TOP1: variants seen among roughly 807,000 people sequenced by gnomAD.
TOP1 encodes DNA topoisomerase 1.
A neutral mutation model predicts 111.1 loss-of-function variants in TOP1; 10 were observed. The ratio of observed to expected loss-of-function variants is 0.09; its 90% confidence interval spans 0.06 to 0.15. TOP1 has a LOEUF of 0.15. Ranked by LOEUF, TOP1 falls within the 10% of genes least tolerant of loss-of-function variation. TOP1 has a pLI of 1.00. For missense variants in TOP1, 474 were observed against 926.7 expected, an observed-to-expected ratio of 0.51 and a Z score of 6.34; for synonymous variants, 271 against 302.9, an observed-to-expected ratio of 0.89 and a Z score of 1.10.
intron 2 of TOP1, among the ~76,000 whole-genome samples, chr20:41,048,212 T>C (rs1370466224): frequency 2.6e-5 from 4 of 152,136 alleles, no homozygotes; most frequent in Non-Finnish European, 4.4e-5. Flanking sequence ...TGAATTTTTG[T>C]AGGTGGCTCG....
rs144702952 is a variant in TOP1 at position 41,067,310 on chromosome 20, G to A, written c.155+5820G>A. On this transcript the variant is annotated intron_variant, in intron 3 of 20. Transcript: ENST00000361337. The surrounding 1 kb of genome is among the most constrained non-coding windows in gnomAD (Gnocchi z 4.0). ...TAATTTTTGTATTTTTGGTAGAGAC[G>A]AGGTTTCACCATATTGGCCAGGCTG... 3.3e-5 allele frequency among the ~76,000 whole-genome samples: 5 copies of A among 151,964 alleles called. No individual in the cohort carries two copies. Among genetic ancestry groups the A allele is most frequent in the Non-Finnish European group, 5.9e-5 (4 of 67,960 alleles).
At chr20:41,054,710 G>A (rs2033448675) in intron 2 of TOP1, among the ~76,000 whole-genome samples, 1 of 152,218 alleles carries the variant, frequency 6.6e-6, no homozygotes, top group African/African-American at 2.4e-5. Flanking sequence ...TAAACTCCTT[G>A]AGGGCAGAGT....
chr20:41,037,226 A>G (rs1341145727), intron 2 of TOP1, among the ~76,000 whole-genome samples: 2 of 152,202 alleles, frequency 1.3e-5, no homozygotes, highest in East Asian at 1.9e-4. Flanking sequence ...AAAGAAGTCT[A>G]TTGATGTGAC....
chr20:41,116,379 A>G lies in TOP1; in HGVS notation c.1809A>G (p.Lys603=), dbSNP rs1390484093. 1 of 1,614,040 alleles carries G rather than the reference A, an allele frequency of 6.2e-7. No homozygotes were observed. The highest frequency in any genetic ancestry group is 1.1e-5 in the South Asian group (1 of 91,074). Residue 603 remains lysine, a synonymous_variant, in exon 17 of 21, where the codon AAA becomes AAG. Coordinates refer to ENST00000361337, the MANE Select transcript of TOP1 (RefSeq NM_003286.4). The surrounding 1 kb of genome is among the most constrained non-coding windows in gnomAD (Gnocchi z 5.6). Reference sequence around the variant, plus strand: ...CCATCACGCTACAGCAGCAGCTAAAAGAACTGACAGCCCGTAAGTATTGCT... The same window carrying G: ...CCATCACGCTACAGCAGCAGCTAAAGGAACTGACAGCCCGTAAGTATTGCT... ...NASITLQQQL[K]ELTAPDENIP... is the part of the protein sequence containing the mutation.
intron 3 of TOP1, among the ~76,000 whole-genome samples, chr20:41,066,643 C>G (rs2033611728): frequency 6.6e-6 from 1 of 151,382 alleles, no homozygotes; most frequent in East Asian, 1.9e-4. Flanking sequence ...CATCCTCCGC[C>G]TCCCGGGTTC....
rs1224236223 is a variant in TOP1 at position 41,092,870 on chromosome 20, T to A, written c.730+283T>A. ...TGTGTGGTCCACAAGCTGAAGGTTT[T>A]GATCTGAACTTCATTTCTAGGGAGC... On this transcript the variant is annotated intron_variant, in intron 9 of 20. Transcript: ENST00000361337. The surrounding 1 kb of genome is among the most constrained non-coding windows in gnomAD (Gnocchi z 4.3). Among the ~76,000 whole-genome samples the A allele has an allele frequency of 1.3e-5, 2 of 152,218 alleles. No homozygotes were observed. The highest frequency in any genetic ancestry group is 4.8e-5 in the African/African-American group (2 of 41,452).
rs199673797 is a variant in TOP1, at chr20:41,100,017, A to G, written c.976-39A>G. Reference sequence around the variant, plus strand: ...TAAAATGCATTAGTAGAGAACAGCAATCTGAATCTATTTTGAGTACTTTCT... The same window carrying G: ...TAAAATGCATTAGTAGAGAACAGCAGTCTGAATCTATTTTGAGTACTTTCT... On this transcript the variant is annotated intron_variant, in intron 11 of 20. Coordinates refer to ENST00000361337, the MANE Select transcript of TOP1 (RefSeq NM_003286.4). The surrounding 1 kb of genome is among the most constrained non-coding windows in gnomAD (Gnocchi z 4.4). The G allele has an allele frequency of 1.8e-5, 26 of 1,475,694 alleles. No homozygotes were observed. The highest frequency in any genetic ancestry group is 4.6e-5 in the East Asian group (2 of 43,922). 91.4% of individuals were successfully genotyped at this position (1,475,694 alleles called of 1,614,324 possible).
rs1324053091 is a variant in TOP1, at chr20:41,046,440, G to T, written c.59-14954G>T. Among the ~76,000 whole-genome samples, 1 of 152,224 alleles carries T rather than the reference G, an allele frequency of 6.6e-6. No individual in the cohort carries two copies. The highest frequency in any genetic ancestry group is 2.4e-5 in the African/African-American group (1 of 41,458). ...CTGGGGTGACTTAGTTGCCTCCTGA[G>T]AATTCTGGGCTGTGGTGGAATTACC... is the stretch of plus-strand genomic sequence containing the variant. On this transcript the variant is annotated intron_variant, in intron 2 of 20. Transcript: ENST00000361337. The surrounding 1 kb of genome is among the most constrained non-coding windows in gnomAD (Gnocchi z 4.3).
chr20:41,051,542 C>T (rs919552309), intron 2 of TOP1, among the ~76,000 whole-genome samples: 1 of 152,134 alleles, frequency 6.6e-6, no homozygotes, highest in African/African-American at 2.4e-5. Flanking sequence ...ATAAGATTGG[C>T]AACACTGTTA....
At chr20:41,042,255 A>G (rs1044418771) in intron 2 of TOP1, among the ~76,000 whole-genome samples, 2 of 152,164 alleles carry the variant, frequency 1.3e-5, no homozygotes, top group Non-Finnish European at 2.9e-5. Context: ...ATTTTTTAAT[A>G]TATGTTTATA....
intron 8 of TOP1, among the ~76,000 whole-genome samples, chr20:41,085,505 A>C (rs3764707): frequency 0.16 from 25,086 of 152,222 alleles, 3,206 homozygotes; most frequent in East Asian, 0.7. Flanking sequence ...ATGTTTTTAA[A>C]AAATACTTAT....
chr20:41,055,452 T>C (rs548134872), intron 2 of TOP1, among the ~76,000 whole-genome samples: 1 of 152,342 alleles, frequency 6.6e-6, no homozygotes, highest in South Asian at 2.1e-4. Context: ...GGGATGTAGA[T>C]CTGTGTGCCC....
At chr20:41,073,964 C>T (rs1399792557) in intron 3 of TOP1, among the ~76,000 whole-genome samples, 1 of 152,106 alleles carries the variant, frequency 6.6e-6, no homozygotes, top group East Asian at 1.9e-4. Context: ...TACCCTCTTA[C>T]AGTTGATGCT....
intron 3 of TOP1, chr20:41,072,453 T>G: frequency 1.0e-6 from 1 of 985,442 alleles, no homozygotes; most frequent in Non-Finnish European, 1.2e-6. Flanking sequence ...AAATCTCAAA[T>G]GGATGAGTCA....
rs370975432 is a variant in TOP1 at position 41,115,490 on chromosome 20, C to T, written c.1707+51C>T. 1,078 of 1,418,440 alleles carry T rather than the reference C, an allele frequency of 7.6e-4. No individual in the cohort carries two copies. The highest frequency in any genetic ancestry group is 9.6e-4 in the Non-Finnish European group (966 of 1,002,726). The allele number at this position is 1,418,440 out of a possible 1,614,324, so 87.9% of individuals were successfully genotyped here. ...GAAGGGAGTCCCAGCCAGAGCCTCA[C>T]AGTACCTAAAGGGGAGGGTTGCTGG... On this transcript the variant is annotated intron_variant, in intron 16 of 20. Coordinates refer to ENST00000361337, the MANE Select transcript of TOP1 (RefSeq NM_003286.4). This position sits in a 1 kb window ranked among gnomAD's most constrained non-coding sequence, Gnocchi z 6.3.
intron 13 of TOP1, among the ~76,000 whole-genome samples, chr20:41,104,188 A>C (rs2034109086): frequency 6.6e-6 from 1 of 152,154 alleles, no homozygotes; most frequent in African/African-American, 2.4e-5. Flanking sequence ...GGCAAGTTTT[A>C]GGGCCTTTAA....
chr20:41,111,159 G>A (rs913639529), intron 13 of TOP1, among the ~76,000 whole-genome samples: 1 of 152,204 alleles, frequency 6.6e-6, no homozygotes, highest in African/African-American at 2.4e-5. Flanking sequence ...GCACTAGAGT[G>A]AGGGGAAAGA....
At chr20:41,072,392 A>G (rs766409816) in intron 3 of TOP1, 2 of 985,458 alleles carry the variant, frequency 2.0e-6, no homozygotes, top group Non-Finnish European at 2.4e-6. Context: ...TTTAGCTACC[A>G]TGAAAGTCAA....
At position 41,077,536 on chromosome 20, in the gene TOP1, A is replaced by G. The variant is rs370003374; in HGVS notation, c.280-46A>G. On this transcript the variant is annotated intron_variant, in intron 4 of 20. Transcript: ENST00000361337. ...ATATTCTCAAAAAGAGGTTTCTTCA[A>G]ATTTAGTCCTTTCAAGGTACTAGTT... The G allele has an allele frequency of 1.8e-3, 2,718 of 1,517,368 alleles. 6 individuals are homozygous for G. Among genetic ancestry groups the G allele is most frequent in the Non-Finnish European group, 2.3e-3 (2,512 of 1,093,406 alleles). 94.0% of individuals were successfully genotyped at this position (1,517,368 alleles called of 1,614,324 possible).
Sources: gnomAD v4.1 joint callset for allele counts (sites outside exome capture counted in the v4.1 genomes callset) on GRCh38, gnomAD v4.1.1 for gene constraint, Gnocchi (gnomAD v3.1) non-coding constraint, MANE v1.5 for transcripts, NCBI Gene and HGNC (gene_info 2026-07-23, HGNC 2026-07-21) for gene names.